Variants in CKAP2L observed in about 807,000 individuals in gnomAD.
CKAP2L encodes cytoskeleton associated protein 2L.
A neutral mutation model predicts 65.7 loss-of-function variants in CKAP2L; 42 were observed. The ratio of observed to expected loss-of-function variants is 0.64; its 90% CI spans 0.50 to 0.83. The LOEUF (loss-of-function observed/expected upper bound fraction) is 0.83. Among genes scored for constraint, CKAP2L ranks in the 40% least tolerant of loss-of-function variants. The pLI, the probability that CKAP2L is intolerant of heterozygous loss-of-function variation, is 0.00. For missense variants in CKAP2L, 908 were observed against 871.0 expected (o/e 1.04, Z -0.53); for synonymous variants, 325 against 313.5 (o/e 1.04, Z -0.39).
At chr2:112,748,738 G>C (rs1454933273) in intron 5 of CKAP2L, among the ~76,000 whole-genome samples, 5 of 152,096 alleles carry the variant, frequency 3.3e-5, no homozygotes, top group Non-Finnish European at 7.4e-5. Flanking sequence ...GTGTGTACCT[G>C]TAGTCCTAGC....
At chr2:112,761,954 G>A (rs997525113) in intron 2 of CKAP2L, among the ~76,000 whole-genome samples, 2 of 152,144 alleles carry the variant, frequency 1.3e-5, no homozygotes, top group Non-Finnish European at 2.9e-5. Flanking sequence ...CTCAAATGGG[G>A]AAAAAATTAA....
intron 2 of CKAP2L, among the ~76,000 whole-genome samples, chr2:112,762,183 T>C (rs1483509395): frequency 6.6e-6 from 1 of 152,116 alleles, no homozygotes; most frequent in Non-Finnish European, 1.5e-5. Context: ...GACCAAAAAC[T>C]GCCTTCATGA....
intron 5 of CKAP2L, among the ~76,000 whole-genome samples, chr2:112,747,949 A>G (rs1475610155): frequency 3.3e-5 from 5 of 152,266 alleles, no homozygotes. Context: ...CTGCATGGAC[A>G]GCGCTGAAGA....
chr2:112,742,869 T>G (rs1162821736), intron 6 of CKAP2L, 100 bp from the exon 7 acceptor site: 1 of 765,836 alleles, frequency 1.3e-6, no homozygotes, highest in Admixed American at 2.7e-5. Context: ...AATAAAAGTT[T>G]CCTTTTAAAA....
intron 3 of CKAP2L, among the ~76,000 whole-genome samples, 171 bp from the exon 4 acceptor site, chr2:112,757,385 G>GTTTTT (rs11311328): frequency 3.4e-5 from 3 of 87,432 alleles, no homozygotes; most frequent in East Asian, 3.0e-4. Context: ...TAGTTTTTGT[G>GTTTTT]TTTTTTTTTT....
intron 4 of CKAP2L, 76 bp from the exon 5 acceptor site, chr2:112,752,550 T>C (rs1680405408): frequency 1.2e-6 from 1 of 846,370 alleles, no homozygotes; most frequent in Non-Finnish European, 1.9e-6. Context: ...ATGATATGTA[T>C]AGATAGAGTA....
intron 4 of CKAP2L, among the ~76,000 whole-genome samples, chr2:112,755,607 T>G (rs1210397457): frequency 6.6e-6 from 1 of 152,154 alleles, no homozygotes; most frequent in Non-Finnish European, 1.5e-5. Flanking sequence ...TACCATCTTC[T>G]CACTTCCTAG....
In CKAP2L at chr2:112,736,396, T is replaced by C. The variant is rs768077886; in HGVS notation, c.*2427A>G. On this transcript the variant is annotated 3_prime_UTR_variant, in exon 9 of 9. Coordinates refer to ENST00000302450, the MANE Select transcript of CKAP2L (RefSeq NM_152515.5). ...TTAGGTATATTTAAGATTTACAACA[T>C]GATGTTATGGGATACATATAGATAA... Among the ~76,000 whole-genome samples, 2 of 152,078 alleles carry C rather than the reference T, an allele frequency of 1.3e-5. No homozygotes were observed. The highest frequency in any genetic ancestry group is 1.5e-5 in the Non-Finnish European group (1 of 67,958).
intron 5 of CKAP2L, among the ~76,000 whole-genome samples, chr2:112,747,935 A>G (rs1193210357): frequency 6.6e-6 from 1 of 152,252 alleles, no homozygotes; most frequent in Non-Finnish European, 1.5e-5. Flanking sequence ...GAAAGGCAGA[A>G]CAACTGCATG....
At chr2:112,739,835 A>G (rs1052959469) in intron 8 of CKAP2L, among the ~76,000 whole-genome samples, 3 of 152,024 alleles carry the variant, frequency 2.0e-5, no homozygotes, top group African/African-American at 7.2e-5. Flanking sequence ...TTTATTTTTC[A>G]TAGAGTTGGG....
At chr2:112,752,566 A>G in intron 4 of CKAP2L, 92 bp from the exon 5 acceptor site, 1 of 764,290 alleles carries the variant, frequency 1.3e-6, no homozygotes, top group East Asian at 2.7e-5. Context: ...GAGTATAATT[A>G]AATACTTTCA....
intron 1 of CKAP2L, chr2:112,763,623 G>C (rs2104895614): frequency 6.6e-6 from 1 of 152,310 alleles, no homozygotes; most frequent in South Asian, 2.1e-4. Flanking sequence ...TAAATGAGGG[G>C]AGTAGGTGGC....
Position 112,746,481 on chromosome 2 carries a change from G to C in CKAP2L, c.1697C>G (p.Ala566Gly), listed in dbSNP as rs1206967804. Residue 566 changes from alanine to glycine, a missense_variant, in exon 6 of 9, where the codon GCA becomes GGA. Coordinates refer to ENST00000302450, the MANE Select transcript of CKAP2L (RefSeq NM_152515.5). The part of the protein sequence containing the change: ...KFWICKAKLL[A>G]SKGTFDVIGL... ...AATAACATCAAAGGTGCCTTTACTT[G>C]CCAACAACTTTGCTTTGCAGATCCA... The C allele has an allele frequency of 1.9e-6, 3 of 1,613,094 alleles. No homozygotes were observed. Among genetic ancestry groups the C allele is most frequent in the Non-Finnish European group, 2.5e-6 (3 of 1,179,328 alleles).
At chr2:112,740,767 T>C (rs548567202) in intron 8 of CKAP2L, 51 bp downstream of exon 8, 4 of 1,453,786 alleles carry the variant, frequency 2.8e-6, no homozygotes, top group Admixed American at 3.7e-5. Context: ...AATCGAGACT[T>C]GGACTAGAAT....
chr2:112,749,010 AG>A (rs1220024456), intron 5 of CKAP2L, among the ~76,000 whole-genome samples: 2 of 152,264 alleles, frequency 1.3e-5, no homozygotes, highest in Non-Finnish European at 2.9e-5. Flanking sequence ...CACAGAAATG[AG>A]GAAAAAATAA....
chr2:112,760,583 C>G (rs377052168), intron 3 of CKAP2L, 130 bp downstream of exon 3: 6 of 541,816 alleles, frequency 1.1e-5, no homozygotes, highest in Non-Finnish European at 6.5e-6. Flanking sequence ...TCTTATTAAA[C>G]CAAACTGTTT....
intron 4 of CKAP2L, among the ~76,000 whole-genome samples, chr2:112,752,712 A>C (rs968746178): frequency 6.6e-6 from 1 of 152,196 alleles, no homozygotes; most frequent in Non-Finnish European, 1.5e-5. Context: ...TCAGACTTCA[A>C]ATAGAATTCG....
Position 112,740,808 on chromosome 2 carries a change from G to A in CKAP2L, c.2012+10C>T, listed in dbSNP as rs1329145457. ...CTGTGAACACAAAGTCTGCTTTAGA[G>A]TTTGCTTACCTAGGGATTGGACCAA... On this transcript the variant is annotated intron_variant, in intron 8 of 8. Coordinates refer to ENST00000302450, the MANE Select transcript of CKAP2L (RefSeq NM_152515.5). 1 of 1,595,958 alleles carries A rather than the reference G, an allele frequency of 6.3e-7. No individual in the cohort carries two copies. The highest frequency in any genetic ancestry group is 8.6e-7 in the Non-Finnish European group (1 of 1,166,586).
At chr2:112,742,268 A>T in intron 7 of CKAP2L, 2 of 667,112 alleles carry the variant, frequency 3.0e-6, no homozygotes, top group Non-Finnish European at 5.5e-6. Flanking sequence ...TCTAAAGGTT[A>T]TGACCACTGA....
Sources: gnomAD v4.1 joint callset for allele counts (sites outside exome capture counted in the v4.1 genomes callset) on GRCh38, gnomAD v4.1.1 for gene constraint, MANE v1.5 for transcripts, NCBI Gene and HGNC (gene_info 2026-07-23, HGNC 2026-07-21) for gene names.